The following CBX1 variants were observed in gnomAD, a reference collection of about 807,000 sequenced individuals.
CBX1 encodes the protein chromobox protein homolog 1.
In CBX1, 10 loss-of-function variants were observed where a neutral mutation model predicts 25.1. The ratio of observed to expected loss-of-function variants is 0.40; its 90% confidence interval spans 0.25 to 0.68. The LOEUF (loss-of-function observed/expected upper bound fraction) is 0.68. Among genes scored for constraint, CBX1 ranks in the 30% least tolerant of loss-of-function variants. The pLI is 0.40. For missense variants in CBX1, 106 were observed against 218.5 expected (o/e 0.49, Z 3.25); for synonymous variants, 63 against 79.4 (o/e 0.79, Z 1.10).
chr17:48,088,004 A>C (rs1359435845), intron 1 of CBX1, among the ~76,000 whole-genome samples: 2 of 151,914 alleles, frequency 1.3e-5, no homozygotes, highest in Non-Finnish European at 2.9e-5. Flanking sequence ...ATATATTAAC[A>C]TTCAATTACA....
At chr17:48,089,090 T>G (rs1480468951) in intron 1 of CBX1, among the ~76,000 whole-genome samples, 3 of 145,662 alleles carry the variant, frequency 2.1e-5, no homozygotes, top group Non-Finnish European at 3.0e-5. Context: ...TTTTAAAAGC[T>G]GGCATCTGCA....
At chr17:48,073,103 C>T (rs2037640664) in intron 4 of CBX1, among the ~76,000 whole-genome samples, 1 of 151,070 alleles carries the variant, frequency 6.6e-6, no homozygotes, top group African/African-American at 2.5e-5. Flanking sequence ...GCCTGGGTGA[C>T]AGAGCGAGAC....
At chr17:48,078,724 G>A (rs565150989) in intron 1 of CBX1, among the ~76,000 whole-genome samples, 2 of 149,624 alleles carry the variant, frequency 1.3e-5, no homozygotes, top group Non-Finnish European at 1.5e-5. Context: ...TCCTGACCTC[G>A]TGATTTGCCT....
chr17:48,094,193 G>C (rs1336066176), intron 1 of CBX1, among the ~76,000 whole-genome samples: 1 of 151,264 alleles, frequency 6.6e-6, no homozygotes, highest in Admixed American at 6.6e-5. Context: ...CAGCACATTG[G>C]GAGGCCAAGG....
intron 1 of CBX1, among the ~76,000 whole-genome samples, chr17:48,082,501 CAAA>C (rs572999255): frequency 0.15 from 8,028 of 52,848 alleles, 103 homozygotes; most frequent in Middle Eastern, 0.22. Context: ...GACTCCATCT[CAAA>C]AAAAAAAAAA....
intron 3 of CBX1, among the ~76,000 whole-genome samples, chr17:48,075,342 A>G (rs939452229): frequency 1.4e-5 from 2 of 146,938 alleles, no homozygotes; most frequent in African/African-American, 5.2e-5. Context: ...CCACAGGCAC[A>G]TGCCACCACG....
At chr17:48,091,933 CCACT>C (rs2063345931) in intron 1 of CBX1, among the ~76,000 whole-genome samples, 1 of 151,282 alleles carries the variant, frequency 6.6e-6, no homozygotes, top group African/African-American at 2.4e-5. Context: ...CTCACCTCGA[CCACT>C]CAAAGTACTC....
chr17:48,099,252 G>A (rs1361597241), intron 1 of CBX1, among the ~76,000 whole-genome samples: 1 of 152,020 alleles, frequency 6.6e-6, no homozygotes, highest in Non-Finnish European at 1.5e-5. Flanking sequence ...ACAGGCATGC[G>A]CCACTAGGCC....
chr17:48,078,240 T>G (rs1420615275), intron 1 of CBX1, among the ~76,000 whole-genome samples: 1 of 151,958 alleles, frequency 6.6e-6, no homozygotes. Flanking sequence ...GCCCCCAGGC[T>G]GGAGTGCAGT....
At chr17:48,090,687 A>G (rs982575569) in intron 1 of CBX1, among the ~76,000 whole-genome samples, 1 of 152,136 alleles carries the variant, frequency 6.6e-6, no homozygotes, top group Non-Finnish European at 1.5e-5. Flanking sequence ...ATCAATCATC[A>G]TTACCTTGCG....
intron 1 of CBX1, among the ~76,000 whole-genome samples, chr17:48,082,681 G>A (rs556480051): frequency 6.7e-6 from 1 of 148,290 alleles, no homozygotes; most frequent in African/African-American, 2.6e-5. Flanking sequence ...GACTACAGAT[G>A]CACACCACCA....
At chr17:48,089,580 T>C (rs1275630864) in intron 1 of CBX1, among the ~76,000 whole-genome samples, 2 of 150,736 alleles carry the variant, frequency 1.3e-5, no homozygotes, top group African/African-American at 4.9e-5. Flanking sequence ...CCCCAGCACT[T>C]TGGGAGGCCG....
chr17:48,073,779 A>T (rs961444041), intron 4 of CBX1, among the ~76,000 whole-genome samples: 1 of 146,324 alleles, frequency 6.8e-6, no homozygotes, highest in Non-Finnish European at 1.5e-5. Context: ...GTGAGCTGAG[A>T]TCGTGCCACT....
intron 1 of CBX1, among the ~76,000 whole-genome samples, chr17:48,082,453 G>A (rs2037748042): frequency 8.2e-6 from 1 of 122,542 alleles, no homozygotes; most frequent in African/African-American, 3.1e-5. Flanking sequence ...AGTGAGCCGA[G>A]ATCATGCCAC....
intron 1 of CBX1, among the ~76,000 whole-genome samples, chr17:48,090,416 T>C (rs2063338318): frequency 6.6e-6 from 1 of 152,180 alleles, no homozygotes; most frequent in Non-Finnish European, 1.5e-5. Flanking sequence ...GACAAAAATA[T>C]GGGAATCAGC....
intron 1 of CBX1, among the ~76,000 whole-genome samples, chr17:48,084,356 G>T (rs1056334484): frequency 1.3e-5 from 2 of 148,336 alleles, no homozygotes; most frequent in Admixed American, 1.3e-4. Flanking sequence ...TGGGATTACA[G>T]GTGCGTGCCA....
intron 1 of CBX1, among the ~76,000 whole-genome samples, chr17:48,093,493 T>C (rs1206800797): frequency 3.3e-5 from 5 of 152,144 alleles, no homozygotes; most frequent in African/African-American, 1.2e-4. Flanking sequence ...AAAGCTGAGT[T>C]TGAAACCAGG....
chr17:48,074,854 A>T, intron 4 of CBX1, 152 bp downstream of exon 4: 1 of 669,604 alleles, frequency 1.5e-6, no homozygotes, highest in Admixed American at 2.4e-5. Context: ...CCAGGGTGGC[A>T]GTCAGGCCGA....
intron 1 of CBX1, among the ~76,000 whole-genome samples, chr17:48,094,162 A>G (rs2063359898): frequency 7.1e-6 from 1 of 140,802 alleles, no homozygotes; most frequent in South Asian, 2.4e-4. Context: ...GGTAGGGCGC[A>G]GTGGCTCATG....
Sources: gnomAD v4.1 joint callset for allele counts (sites outside exome capture counted in the v4.1 genomes callset) on GRCh38, gnomAD v4.1.1 for gene constraint, MANE v1.5 for transcripts, NCBI Gene and HGNC (gene_info 2026-07-23, HGNC 2026-07-21) for gene names.